AGBL4: variants seen among roughly 807,000 people sequenced by gnomAD.
AGBL4 encodes the protein cytosolic carboxypeptidase 6.
A neutral mutation model predicts 66.4 loss-of-function variants in AGBL4; 58 were observed. That is an observed-to-expected ratio of 0.87 (90% CI 0.71 to 1.09). The LOEUF (loss-of-function observed/expected upper bound fraction) is 1.09. Ranked by LOEUF, AGBL4 falls within the 50% of genes least tolerant of loss-of-function variation. The pLI is 0.00. For missense variants in AGBL4, 579 were observed against 631.0 expected, an observed-to-expected ratio of 0.92 and a Z score of 0.88; for synonymous variants, 234 against 222.9, an observed-to-expected ratio of 1.05 and a Z score of -0.44.
intron 9 of AGBL4, among the ~76,000 whole-genome samples, chr1:48,632,570 C>G (rs895038372): frequency 6.6e-6 from 1 of 152,180 alleles, no homozygotes; most frequent in African/African-American, 2.4e-5. Flanking sequence ...GTCACTCCTT[C>G]TGGTCCAATG....
At chr1:49,696,181 A>C (rs1646980285) in intron 3 of AGBL4, among the ~76,000 whole-genome samples, 1 of 152,166 alleles carries the variant, frequency 6.6e-6, no homozygotes, top group Non-Finnish European at 1.5e-5. Flanking sequence ...TAATCTCACT[A>C]TGTGTACAAA....
Position 49,041,502 on chromosome 1 carries a change from T to C in AGBL4, c.594+4082A>G, listed in dbSNP as rs1188265394. Among the ~76,000 whole-genome samples the C allele has an allele frequency of 3.3e-5, 5 of 152,162 alleles. No individual in the cohort carries two copies. In the East Asian group the frequency reaches 9.7e-4, roughly 29 times the overall value. ...ATAAGGTAAATCCCTTTCTCAAAAATCTTTTTGGGTGTTAAACTGTCCATC... is the reference window on the plus strand; with the variant it reads ...ATAAGGTAAATCCCTTTCTCAAAAACCTTTTTGGGTGTTAAACTGTCCATC... On this transcript the variant is annotated intron_variant, in intron 5 of 13. Coordinates refer to ENST00000371839, the MANE Select transcript of AGBL4 (RefSeq NM_032785.4).
chr1:49,862,707 G>C (rs1447116975), intron 1 of AGBL4, among the ~76,000 whole-genome samples: 1 of 152,128 alleles, frequency 6.6e-6, no homozygotes, highest in Non-Finnish European at 1.5e-5. Flanking sequence ...CTTTTCAGTG[G>C]AAACCTTACA....
intron 6 of AGBL4, among the ~76,000 whole-genome samples, chr1:48,751,321 G>A (rs767700923): frequency 1.3e-5 from 2 of 152,172 alleles, no homozygotes; most frequent in African/African-American, 2.4e-5. Context: ...AGTACTGGAT[G>A]GTCTAATGGC....
At chr1:49,403,702 T>C (rs1363308395) in intron 3 of AGBL4, among the ~76,000 whole-genome samples, 1 of 152,202 alleles carries the variant, frequency 6.6e-6, no homozygotes, top group African/African-American at 2.4e-5. Flanking sequence ...TGCAGTGTTC[T>C]CAGTCTGGGC....
intron 2 of AGBL4, among the ~76,000 whole-genome samples, chr1:49,772,400 T>C (rs1644087900): frequency 6.6e-6 from 1 of 152,176 alleles, no homozygotes; most frequent in Admixed American, 6.5e-5. Context: ...GTTTGAAGGA[T>C]TTACATAGCA....
chr1:49,067,381 A>G (rs1184438517), intron 4 of AGBL4, among the ~76,000 whole-genome samples: 4 of 152,220 alleles, frequency 2.6e-5, no homozygotes, highest in African/African-American at 9.6e-5. Context: ...CAAATAGGTT[A>G]GTCTCAGGAC....
At chr1:48,595,393 T>G (rs534444253) in intron 9 of AGBL4, among the ~76,000 whole-genome samples, 17 of 152,270 alleles carry the variant, frequency 1.1e-4, no homozygotes, top group African/African-American at 3.6e-4. Flanking sequence ...AGTGAATTAA[T>G]GAGTAAACAA....
intron 3 of AGBL4, among the ~76,000 whole-genome samples, chr1:49,529,381 T>C (rs1328033467): frequency 2.6e-5 from 4 of 151,964 alleles, no homozygotes; most frequent in Non-Finnish European, 5.9e-5. Context: ...AAAGAGCAAA[T>C]GTAAGGAAAT....
At chr1:49,331,832 A>C (rs1355153806) in intron 3 of AGBL4, among the ~76,000 whole-genome samples, 2 of 149,214 alleles carry the variant, frequency 1.3e-5, no homozygotes, top group Non-Finnish European at 3.0e-5. Context: ...TTTAAGTAGG[A>C]CCCAATTCAT....
At chr1:48,608,451 G>C (rs1645184989) in intron 9 of AGBL4, among the ~76,000 whole-genome samples, 1 of 152,148 alleles carries the variant, frequency 6.6e-6, no homozygotes, top group African/African-American at 2.4e-5. Flanking sequence ...ATGGTGGAGA[G>C]GAGATTGCAT....
chr1:49,862,427 T>C (rs561545179), intron 1 of AGBL4, among the ~76,000 whole-genome samples: 34 of 149,346 alleles, frequency 2.3e-4, no homozygotes, highest in African/African-American at 8.3e-4. Flanking sequence ...TAAGAGATAA[T>C]GGCCTTAAAG....
chr1:48,753,043 C>T (rs924536125), intron 6 of AGBL4, among the ~76,000 whole-genome samples: 11 of 152,180 alleles, frequency 7.2e-5, no homozygotes, highest in African/African-American at 1.2e-4. Flanking sequence ...CCACTGCCCC[C>T]GGCCCATTTG....
At chr1:48,803,006 G>A (rs1340106106) in intron 6 of AGBL4, among the ~76,000 whole-genome samples, 1 of 152,186 alleles carries the variant, frequency 6.6e-6, no homozygotes, top group African/African-American at 2.4e-5. Context: ...ACCAACCCGG[G>A]ACTATAGGTC....
chr1:48,895,579 A>G (rs1052073824), intron 5 of AGBL4, among the ~76,000 whole-genome samples: 3 of 152,234 alleles, frequency 2.0e-5, no homozygotes, highest in African/African-American at 4.8e-5. Context: ...TAAAATTCAT[A>G]ATCAATCAAG....
At chr1:49,708,603 G>C (rs896783539) in intron 2 of AGBL4, among the ~76,000 whole-genome samples, 3 of 152,078 alleles carry the variant, frequency 2.0e-5, no homozygotes, top group Admixed American at 6.6e-5. Flanking sequence ...TTGCTGGCGA[G>C]GAGTTGTGAT....
intron 2 of AGBL4, among the ~76,000 whole-genome samples, chr1:49,787,502 C>CAAAA (rs201411173): frequency 2.7e-5 from 2 of 74,464 alleles, no homozygotes; most frequent in Admixed American, 1.4e-4. Context: ...GACTCTGTCT[C>CAAAA]AAAAAAAAAA....
At chr1:49,675,074 A>T (rs1218483420) in intron 3 of AGBL4, among the ~76,000 whole-genome samples, 1 of 152,128 alleles carries the variant, frequency 6.6e-6, no homozygotes, top group Non-Finnish European at 1.5e-5. Context: ...TGAAGATTCT[A>T]AGTTTCAGGC....
rs929691669 is a variant in AGBL4, at chr1:48,812,853, C to T, written c.634+54338G>A. On this transcript the variant is annotated intron_variant, in intron 6 of 13. Transcript: ENST00000371839. ...GAAACCATCATTCTCAGCAAACTAT[C>T]GCAAGGACAAAAAACCAAACACTGC... is the stretch of plus-strand genomic sequence containing the variant. Among the ~76,000 whole-genome samples the T allele has an allele frequency of 7.3e-5, 11 of 151,202 alleles. 1 individual carries two copies. The highest frequency in any genetic ancestry group is 1.3e-4 in the Admixed American group (2 of 15,216).
Sources: gnomAD v4.1 joint callset for allele counts (sites outside exome capture counted in the v4.1 genomes callset) on GRCh38, gnomAD v4.1.1 for gene constraint, MANE v1.5 for transcripts, NCBI Gene and HGNC (gene_info 2026-07-23, HGNC 2026-07-21) for gene names.